The following IL1RAPL2 variants were observed in gnomAD, a reference collection of about 807,000 sequenced individuals.
IL1RAPL2 encodes the protein interleukin 1 receptor accessory protein like 2.
IL1RAPL2 carries 3 observed loss-of-function variants against 44.1 expected under a neutral mutation model. That is an observed-to-expected ratio of 0.07 (90% CI 0.03 to 0.18). The LOEUF (loss-of-function observed/expected upper bound fraction) is 0.18, where lower values mean the gene tolerates loss of function less well. Ranked by LOEUF, IL1RAPL2 falls within the 10% of genes least tolerant of loss-of-function variation. The probability of loss-of-function intolerance (pLI) is 1.00; values close to 1 mark genes in which losing one functional copy is unlikely to be tolerated. For synonymous variants in IL1RAPL2, 181 were observed against 178.8 expected (o/e 1.01, Z -0.10); for missense variants, 391 against 496.4 (o/e 0.79, Z 2.02).
chrX:105,432,875 A>G (rs2035857727), intron 5 of IL1RAPL2, among the ~76,000 whole-genome samples: 1 of 109,311 alleles, frequency 9.1e-6, no homozygotes, highest in African/African-American at 3.3e-5. Flanking sequence ...TCATCAAGTC[A>G]TTGTCTCTAT....
chrX:105,482,928 A>G (rs2036242006), intron 5 of IL1RAPL2, among the ~76,000 whole-genome samples: 1 of 110,591 alleles, frequency 9.0e-6, no homozygotes. Flanking sequence ...GGATATAAAC[A>G]ATAGTTTGAT....
intron 1 of IL1RAPL2, among the ~76,000 whole-genome samples, chrX:104,646,844 C>G (rs1223795022): frequency 7.2e-5 from 8 of 111,384 alleles, no homozygotes; most frequent in Non-Finnish European, 1.3e-4. Flanking sequence ...ATGCATCACT[C>G]CATCAATCAC....
At chrX:104,637,655 A>T (rs757334236) in intron 1 of IL1RAPL2, among the ~76,000 whole-genome samples, 1 of 111,286 alleles carries the variant, frequency 9.0e-6, no homozygotes, top group Non-Finnish European at 1.9e-5. Flanking sequence ...CAACCCTGGA[A>T]TAAATCTCAC....
At chrX:105,439,017 A>G (rs2035900677) in intron 5 of IL1RAPL2, among the ~76,000 whole-genome samples, 1 of 110,734 alleles carries the variant, frequency 9.0e-6, no homozygotes, top group Non-Finnish European at 1.9e-5. Context: ...TAAAAGTGGC[A>G]GTTTCCCTGG....
At position 105,102,554 on chromosome X, in the gene IL1RAPL2, C is replaced by T. The variant is rs193210012; in HGVS notation, c.83-92921C>T. Among the ~76,000 whole-genome samples, 9 of 111,767 alleles carry T rather than the reference C, an allele frequency of 8.1e-5. No individual in the cohort carries two copies. In the East Asian group the frequency reaches 2.0e-3, roughly 24 times the overall value. On this transcript the variant is annotated intron_variant, in intron 2 of 10. Transcript: ENST00000372582. ...CATATGTGTACACACACTTACATAA[C>T]CAATGGGCTACATGTTAGGGCATTT...
At chrX:105,076,931 G>C (rs186467096) in intron 2 of IL1RAPL2, among the ~76,000 whole-genome samples, 10 of 110,688 alleles carry the variant, frequency 9.0e-5, no homozygotes, top group Admixed American at 8.7e-4. Flanking sequence ...TTGAGTCTAT[G>C]TGTGTCTCTG....
chrX:104,829,497 C>A (rs1244272738), intron 2 of IL1RAPL2, among the ~76,000 whole-genome samples: 1 of 112,138 alleles, frequency 8.9e-6, no homozygotes, highest in African/African-American at 3.2e-5. Context: ...GAACTGGGTA[C>A]TTTAGTTGGA....
At chrX:104,912,695 C>T (rs768957910) in intron 2 of IL1RAPL2, among the ~76,000 whole-genome samples, 2 of 111,685 alleles carry the variant, frequency 1.8e-5, no homozygotes, top group Non-Finnish European at 3.8e-5. Flanking sequence ...ATGACATTAA[C>T]TTATCCTAAA....
intron 4 of IL1RAPL2, among the ~76,000 whole-genome samples, chrX:105,237,006 G>T (rs1324084789): frequency 9.1e-6 from 1 of 110,184 alleles, no homozygotes; most frequent in Non-Finnish European, 1.9e-5. Context: ...TCCCCCCACC[G>T]CACAGCAGGA....
chrX:105,293,038 G>A (rs2034625973), intron 5 of IL1RAPL2, among the ~76,000 whole-genome samples: 1 of 104,490 alleles, frequency 9.6e-6, no homozygotes, highest in Non-Finnish European at 1.9e-5. Flanking sequence ...CTTGAACCCA[G>A]GAGGCGGAGG....
chrX:105,338,325 C>G (rs985910275), intron 5 of IL1RAPL2, among the ~76,000 whole-genome samples: 1 of 112,157 alleles, frequency 8.9e-6, no homozygotes, highest in Non-Finnish European at 1.9e-5. Context: ...CTGTAAACAG[C>G]TTAGCAGGAA....
chrX:105,757,190 T>C (rs1323967488), intron 10 of IL1RAPL2, among the ~76,000 whole-genome samples: 1 of 111,961 alleles, frequency 8.9e-6, no homozygotes, highest in Non-Finnish European at 1.9e-5. Flanking sequence ...TTGATATACA[T>C]TGTATGTCCC....
intron 2 of IL1RAPL2, among the ~76,000 whole-genome samples, chrX:104,977,937 T>A (rs1296829360): frequency 4.5e-5 from 5 of 112,106 alleles, no homozygotes; most frequent in Admixed American, 3.8e-4. Flanking sequence ...AAAGAGGTGA[T>A]AACTTCCAAG....
intron 5 of IL1RAPL2, among the ~76,000 whole-genome samples, chrX:105,430,176 T>C (rs1442061082): frequency 9.0e-6 from 1 of 111,633 alleles, no homozygotes. Context: ...AGTATGACAA[T>C]AATATGGGGC....
chrX:104,894,233 A>C (rs965050414), intron 2 of IL1RAPL2, among the ~76,000 whole-genome samples: 1 of 111,150 alleles, frequency 9.0e-6, no homozygotes, highest in African/African-American at 3.3e-5. Flanking sequence ...CCTTCATTTC[A>C]ACTTTGGTGA....
chrX:105,040,502 A>G (rs1461344946), intron 2 of IL1RAPL2, among the ~76,000 whole-genome samples: 1 of 110,863 alleles, frequency 9.0e-6, no homozygotes, highest in South Asian at 3.8e-4. Flanking sequence ...CTGTGAATCC[A>G]TCTGGTCCTG....
At position 104,885,845 on chromosome X, in the gene IL1RAPL2, G is replaced by A. The variant is rs180758524; in HGVS notation, c.82+226850G>A. The stretch of plus-strand genomic sequence containing the variant: ...AGAAACAAGCCACCCTCTCATCCAT[G>A]TCTGCTATGCTGAGGCAATCACTGG... On this transcript the variant is annotated intron_variant, in intron 2 of 10. Transcript: ENST00000372582. Among the ~76,000 whole-genome samples the A allele has an allele frequency of 1.8e-4, 20 of 113,071 alleles. No individual in the cohort carries two copies. In the South Asian group the frequency reaches 3.7e-3, roughly 21 times the overall value.
At chrX:105,694,535 T>G (rs1209257283) in intron 6 of IL1RAPL2, among the ~76,000 whole-genome samples, 1 of 111,725 alleles carries the variant, frequency 9.0e-6, no homozygotes, top group African/African-American at 3.3e-5. Flanking sequence ...TTAAATCATT[T>G]GCTTGATGTC....
intron 6 of IL1RAPL2, among the ~76,000 whole-genome samples, chrX:105,508,180 G>C (rs1328145763): frequency 1.8e-5 from 2 of 110,997 alleles, no homozygotes; most frequent in Non-Finnish European, 3.8e-5. Flanking sequence ...GCACAAAAGA[G>C]AGTTATTATT....
Sources: allele counts gnomAD v4.1 joint callset (sites outside exome capture counted in the v4.1 genomes callset), GRCh38; gene constraint gnomAD v4.1.1; transcripts MANE v1.5; gene names NCBI Gene and HGNC (gene_info 2026-07-23, HGNC 2026-07-21).